The following NMBR variants were observed in gnomAD, a reference collection of about 807,000 sequenced individuals.
The protein encoded by NMBR is neuromedin B receptor.
A neutral mutation model predicts 20.5 loss-of-function variants in NMBR; 16 were observed. The ratio of observed to expected loss-of-function variants is 0.78; its 90% confidence interval spans 0.53 to 1.19. The LOEUF is 1.19. Among genes scored for constraint, NMBR ranks in the 50% most tolerant of loss-of-function variants. The pLI, the probability that NMBR is intolerant of heterozygous loss-of-function variation, is 0.00. For missense variants in NMBR, 582 were observed against 499.1 expected, an observed-to-expected ratio of 1.17 and a Z score of -1.58; for synonymous variants, 212 against 196.6, an observed-to-expected ratio of 1.08 and a Z score of -0.65.
chr6:142,113,586 T>C (rs1370877682), intron 1 of NMBR, among the ~76,000 whole-genome samples: 2 of 152,124 alleles, frequency 1.3e-5, no homozygotes, highest in Admixed American at 1.3e-4. Context: ...AAAAATGAAG[T>C]GATTCCATGT....
chr6:142,134,762 T>G (rs1220143315), intron 1 of NMBR: 4 of 691,716 alleles, frequency 5.8e-6, no homozygotes, highest in Non-Finnish European at 1.0e-5. Context: ...GCTAGATCTC[T>G]TGGGGAAAAC....
intron 1 of NMBR, among the ~76,000 whole-genome samples, chr6:142,112,923 A>T (rs1026197022): frequency 6.6e-6 from 1 of 152,088 alleles, no homozygotes; most frequent in African/African-American, 2.4e-5. Context: ...TTATTAAGCC[A>T]TACCTGCCTT....
intron 1 of NMBR, among the ~76,000 whole-genome samples, chr6:142,125,765 A>G (rs1355874724): frequency 6.6e-6 from 1 of 151,878 alleles, no homozygotes; most frequent in African/African-American, 2.4e-5. Context: ...TAAGGTGTAC[A>G]ACTTCATGTT....
chr6:142,088,366 G>A lies in NMBR; in HGVS notation c.293C>T (p.Pro98Leu), dbSNP rs755366862. 2 of 1,614,032 alleles carry A rather than the reference G, an allele frequency of 1.2e-6. No individual in the cohort carries two copies. The highest frequency in any genetic ancestry group is 2.7e-5 in the African/African-American group (2 of 74,926). Residue 98 changes from proline (P) to leucine (L), a missense_variant, in exon 2 of 4, where the codon CCG becomes CTG. Transcript: ENST00000258042. ...GAAGAAGTAGCGCGAGGCGTCCACC[G>A]GGACGCAGGTGAGCAGCAGCAGCAA... ...GDLLLLLTCV[P>L]VDASRYFFDE...
chr6:142,095,893 G>C (rs1777439868), intron 1 of NMBR, among the ~76,000 whole-genome samples: 1 of 152,266 alleles, frequency 6.6e-6, no homozygotes, highest in African/African-American at 2.4e-5. Context: ...GGGTGTATGT[G>C]TCAAGGAATT....
chr6:142,118,047 T>A (rs1330038970), intron 1 of NMBR, among the ~76,000 whole-genome samples: 1 of 151,882 alleles, frequency 6.6e-6, no homozygotes, highest in African/African-American at 2.4e-5. Context: ...GATTATTAGA[T>A]GTATATGTCC....
intron 1 of NMBR, among the ~76,000 whole-genome samples, chr6:142,117,176 A>C (rs1422199410): frequency 6.6e-6 from 1 of 151,936 alleles, no homozygotes; most frequent in Non-Finnish European, 1.5e-5. Flanking sequence ...TATAGCCCAA[A>C]CATATAGAGC....
At chr6:142,134,927 A>G (rs1283376198) in intron 1 of NMBR, 1 of 548,770 alleles carries the variant, frequency 1.8e-6, no homozygotes, top group Non-Finnish European at 3.2e-6. Context: ...CAATGACCAA[A>G]TAATTACCTA....
chr6:142,096,639 G>A (rs565140551), intron 1 of NMBR, among the ~76,000 whole-genome samples: 169 of 152,288 alleles, frequency 1.1e-3, no homozygotes, highest in African/African-American at 3.7e-3. Context: ...TGAAAAGAAT[G>A]TATATTCTGT....
rs1336329525 is a variant in NMBR, at chr6:142,075,243, C to G, written c.*405G>C. ...ATTGAGTCAATATAGAAATTTATTT[C>G]ATGCTTCAAGATAAAACAAAACCTA... On this transcript the variant is annotated 3_prime_UTR_variant, in exon 4 of 4. Transcript: ENST00000258042. Among the ~76,000 whole-genome samples, 2 of 151,954 alleles carry G rather than the reference C, an allele frequency of 1.3e-5. No individual in the cohort carries two copies. The highest frequency in any genetic ancestry group is 4.8e-5 in the African/African-American group (2 of 41,386).
chr6:142,095,636 G>A (rs1777434819), intron 1 of NMBR, among the ~76,000 whole-genome samples: 1 of 152,130 alleles, frequency 6.6e-6, no homozygotes, highest in Admixed American at 6.6e-5. Context: ...GTCTCTGCCA[G>A]GCTTTGGTAT....
chr6:142,128,116 CG>C (rs1778070437), intron 1 of NMBR, among the ~76,000 whole-genome samples: 2 of 151,884 alleles, frequency 1.3e-5, no homozygotes, highest in South Asian at 4.1e-4. Flanking sequence ...AGTGAGTGCT[CG>C]TGAGATCTGG....
chr6:142,127,957 T>C (rs1404708836), intron 1 of NMBR, among the ~76,000 whole-genome samples: 1 of 152,058 alleles, frequency 6.6e-6, no homozygotes, highest in Non-Finnish European at 1.5e-5. Flanking sequence ...TTACTTCTTT[T>C]TTTCTGATTT....
intron 1 of NMBR, chr6:142,133,769 A>T (rs1778191579): frequency 1.9e-6 from 1 of 529,012 alleles, no homozygotes; most frequent in Admixed American, 3.2e-5. Context: ...ACATTTTTTA[A>T]ATGTGATATA....
chr6:142,113,422 T>C (rs1582852835), intron 1 of NMBR, among the ~76,000 whole-genome samples: 1 of 152,312 alleles, frequency 6.6e-6, no homozygotes, highest in South Asian at 2.1e-4. Context: ...TTAATGTGGT[T>C]AAGTATCAAG....
intron 1 of NMBR, among the ~76,000 whole-genome samples, chr6:142,100,941 G>T (rs4896578): frequency 0.62 from 94,189 of 152,046 alleles, 30,545 homozygotes; most frequent in East Asian, 0.84. Flanking sequence ...TTTTCCACAT[G>T]TCTGTTAAAA....
In NMBR at chr6:142,088,747, C is replaced by A; in HGVS notation, c.-89G>T. On this transcript the variant is annotated 5_prime_UTR_variant, in exon 2 of 4. Coordinates refer to ENST00000258042, the MANE Select transcript of NMBR (RefSeq NM_002511.4). ...CCCACGATTTAGGTTTAATCGATGT[C>A]CCTCCCTCTCGCCCCTGCAAGTTTA... 1 of 1,181,874 alleles carries A rather than the reference C, an allele frequency of 8.5e-7. No homozygotes were observed. The highest frequency in any genetic ancestry group is 1.5e-5 in the South Asian group (1 of 67,540). The allele number at this position is 1,181,874 out of a possible 1,614,324, so 73.2% of individuals were successfully genotyped here.
In NMBR at chr6:142,111,406, CA is replaced by C. The variant is rs543946009; in HGVS notation, c.-663-22086del. 2.1e-3 allele frequency among the ~76,000 whole-genome samples: 325 copies of C among 152,144 alleles called. 2 individuals are homozygous for C. Among genetic ancestry groups the C allele is most frequent in the African/African-American group, 7.0e-3 (292 of 41,494 alleles). ...TCATAATTTCTGATTTGTTGGAACC[CA>C]AACAAAATTAAATGATTTTCTTAGT... On this transcript the variant is annotated intron_variant, in intron 1 of 3. Transcript: ENST00000258042.
chr6:142,110,222 G>A (rs1351143293), intron 1 of NMBR, among the ~76,000 whole-genome samples: 1 of 151,928 alleles, frequency 6.6e-6, no homozygotes, highest in African/African-American at 2.4e-5. Flanking sequence ...TCAATCCTAG[G>A]TATATACTCA....
Sources: allele counts gnomAD v4.1 joint callset (sites outside exome capture counted in the v4.1 genomes callset), GRCh38; gene constraint gnomAD v4.1.1; transcripts MANE v1.5; gene names NCBI Gene and HGNC (gene_info 2026-07-23, HGNC 2026-07-21).